Variants in RBL1 observed in about 807,000 individuals in gnomAD.
RBL1 encodes retinoblastoma-like protein 1.
A neutral mutation model predicts 123.0 loss-of-function variants in RBL1; 82 were observed. The ratio of observed to expected loss-of-function variants is 0.67; its 90% CI spans 0.56 to 0.80. RBL1 has a LOEUF of 0.80. Ranked by LOEUF, RBL1 falls within the 30% of genes least tolerant of loss-of-function variation. RBL1 has a pLI of 0.00. For missense variants in RBL1, 1,171 were observed against 1,299.6 expected (o/e 0.90, Z 1.52); for synonymous variants, 405 against 441.3 (o/e 0.92, Z 1.03).
rs780855705 is a variant in RBL1, at chr20:37,047,108, C to T, written c.1550G>A (p.Arg517His). Reference protein sequence around the residue: ...EIVLFAYSSPRTFPWIIEVLN... With the variant: ...EIVLFAYSSPHTFPWIIEVLN... ...AACTTCAATAATCCAAGGAAAAGTA[C>T]GAGGTGAGCTATAGGCAAAGAGCAC... Residue 517 changes from arginine to histidine, a missense_variant, in exon 12 of 22, where the codon CGT (arginine) becomes CAT (histidine). Physicochemically the swap from Arg to His is conservative, Grantham distance 29. Transcript: ENST00000373664. 6 of 1,604,122 alleles carry T rather than the reference C, an allele frequency of 3.7e-6. No homozygotes were observed. The highest frequency in any genetic ancestry group is 2.3e-5 in the South Asian group (2 of 88,530).
At chr20:37,040,353 T>C in intron 13 of RBL1, 68 bp from the exon 14 acceptor site, 1 of 1,556,652 alleles carries the variant, frequency 6.4e-7, no homozygotes, top group Non-Finnish European at 8.7e-7. Flanking sequence ...ATTAAAAATG[T>C]TTTCTTTTCT....
intron 13 of RBL1, among the ~76,000 whole-genome samples, chr20:37,041,344 C>G (rs1403257102): frequency 6.6e-6 from 1 of 151,848 alleles, no homozygotes; most frequent in Non-Finnish European, 1.5e-5. Context: ...TTTTTTGAGA[C>G]ACAGTCTCGC....
At chr20:37,009,605 C>A (rs926719861) in intron 19 of RBL1, among the ~76,000 whole-genome samples, 15 of 152,104 alleles carry the variant, frequency 9.9e-5, no homozygotes, top group Admixed American at 4.6e-4. Context: ...AGTGATCCTC[C>A]CACCTTGGCC....
At chr20:37,049,048 C>T (rs933778486) in intron 11 of RBL1, among the ~76,000 whole-genome samples, 1 of 151,538 alleles carries the variant, frequency 6.6e-6, no homozygotes, top group South Asian at 2.1e-4. Flanking sequence ...CCAAAAAACA[C>T]AAAAATTAGC....
Position 37,076,975 on chromosome 20 carries a change from C to T in RBL1, c.291-8789G>A, listed in dbSNP as rs529357379. ...TTTTTGAGGCAGAGTCTTGCTCTGT[C>T]GCCCAGGCTGGAGTGCAGTGGCACA... On this transcript the variant is annotated intron_variant, in intron 2 of 21. Coordinates refer to ENST00000373664, the MANE Select transcript of RBL1 (RefSeq NM_002895.5). 8.3e-5 allele frequency among the ~76,000 whole-genome samples: 12 copies of T among 144,548 alleles called. No homozygotes were observed. In the South Asian group the frequency reaches 1.3e-3, roughly 16 times the overall value. 94.8% of individuals were successfully genotyped at this position (144,548 alleles called of 152,430 possible). A position where few individuals can be genotyped will look rare whatever the true frequency, so the allele number is the denominator to read the frequency against.
At chr20:37,025,797 C>T (rs538018499) in intron 16 of RBL1, among the ~76,000 whole-genome samples, 6 of 149,308 alleles carry the variant, frequency 4.0e-5, no homozygotes, top group East Asian at 4.0e-4. Flanking sequence ...GGCTGGAGTG[C>T]GGTGGCGTGA....
At chr20:37,055,732 A>ATG in intron 10 of RBL1, 76 bp from the exon 11 acceptor site, 1 of 1,335,622 alleles carries the variant, frequency 7.5e-7, no homozygotes, top group Non-Finnish European at 1.0e-6. Context: ...AATTATATAT[A>ATG]AACTTAAATC....
chr20:37,011,880 A>G (rs914009589), intron 19 of RBL1, among the ~76,000 whole-genome samples: 13 of 151,610 alleles, frequency 8.6e-5, no homozygotes, highest in Non-Finnish European at 1.5e-4. Context: ...CCCTCTCCCC[A>G]CGGTCTCCCT....
At position 37,055,577 on chromosome 20, in the gene RBL1, T is replaced by G. The variant is rs2064990368; in HGVS notation, c.1443A>C (p.Arg481=). The G allele has an allele frequency of 6.2e-7, 1 of 1,614,190 alleles. No individual in the cohort carries two copies. Among genetic ancestry groups the G allele is most frequent in the Non-Finnish European group, 8.5e-7 (1 of 1,180,036 alleles). ...CTGACATGTCCATTCCATGAAGTCT[T>G]CGTGTTTCCTGAACCATTACAGTCT... is the stretch of plus-strand genomic sequence containing the variant. The part of the protein sequence containing the change: ...ILETVMVQET[R]RLHGMDMSVL... The change falls in exon 11 of 22, where the codon CGA becomes CGC. Residue 481 remains arginine (R), a synonymous_variant. Coordinates refer to ENST00000373664, the MANE Select transcript of RBL1 (RefSeq NM_002895.5).
chr20:37,042,908 A>ACC (rs1491209757), intron 13 of RBL1, among the ~76,000 whole-genome samples: 1 of 119,198 alleles, frequency 8.4e-6, no homozygotes, highest in Non-Finnish European at 1.7e-5. Flanking sequence ...CCCCCCCTCC[A>ACC]AAAAAAAAAA....
chr20:37,056,406 G>A (rs2065008068), intron 9 of RBL1, 148 bp from the exon 10 acceptor site: 1 of 1,267,500 alleles, frequency 7.9e-7, no homozygotes, highest in Non-Finnish European at 1.0e-6. Context: ...CCAGGCTGGA[G>A]TGCAGTGGTG....
chr20:37,005,636 G>C (rs1369861381), intron 20 of RBL1, among the ~76,000 whole-genome samples: 1 of 152,142 alleles, frequency 6.6e-6, no homozygotes, highest in Non-Finnish European at 1.5e-5. Context: ...AGTTGGATGA[G>C]CAAGGATTTC....
At chr20:37,003,408 A>G (rs1041551511) in intron 21 of RBL1, among the ~76,000 whole-genome samples, 5 of 152,060 alleles carry the variant, frequency 3.3e-5, no homozygotes, top group African/African-American at 4.8e-5. Context: ...GACATCCCCC[A>G]GGTCTGACCA....
At chr20:37,086,448 C>A (rs774954004) in intron 2 of RBL1, among the ~76,000 whole-genome samples, 2 of 151,930 alleles carry the variant, frequency 1.3e-5, no homozygotes, top group Admixed American at 6.6e-5. Flanking sequence ...ATTAGCCAGG[C>A]GTGGTGGCGG....
chr20:37,055,524 C>T, intron 11 of RBL1, 29 bp downstream of exon 11: 1 of 1,613,394 alleles, frequency 6.2e-7, no homozygotes, highest in Non-Finnish European at 8.5e-7. Flanking sequence ...TTGGACCTTG[C>T]CAGTAGCTCA....
At chr20:37,051,205 G>GGC (rs766492183) in intron 11 of RBL1, among the ~76,000 whole-genome samples, 1 of 190 alleles carries the variant, frequency 5.3e-3, no homozygotes, top group Non-Finnish European at 0.01. Context: ...TTTCTGAGAT[G>GGC]GAGTTCGCTC....
At chr20:37,018,592 T>C (rs551084478) in intron 18 of RBL1, among the ~76,000 whole-genome samples, 2 of 152,336 alleles carry the variant, frequency 1.3e-5, no homozygotes, top group Non-Finnish European at 2.9e-5. Context: ...GGGCTTAGTT[T>C]ATAAAACAGA....
intron 1 of RBL1, among the ~76,000 whole-genome samples, chr20:37,090,222 G>C (rs1568897987): frequency 6.6e-6 from 1 of 152,136 alleles, no homozygotes; most frequent in African/African-American, 2.4e-5. Context: ...GGAGCAACAG[G>C]CTATATTAAA....
In RBL1 at chr20:37,052,908, C is replaced by T. The variant is rs141579940; in HGVS notation, c.1467+2645G>A. On this transcript the variant is annotated intron_variant, in intron 11 of 21. Transcript: ENST00000373664. ...CCACCTGCCTCAGTCTCCCAAAGTG[C>T]TGGGATTACAGGCATGAGCCACTGC... Among the ~76,000 whole-genome samples, 1,029 of 152,292 alleles carry T rather than the reference C, an allele frequency of 6.8e-3. 10 individuals carry two copies. The highest frequency in any genetic ancestry group is 0.023 in the African/African-American group (965 of 41,568).
Sources: gnomAD v4.1 joint callset for allele counts (sites outside exome capture counted in the v4.1 genomes callset) on GRCh38, gnomAD v4.1.1 for gene constraint, MANE v1.5 for transcripts, NCBI Gene and HGNC (gene_info 2026-07-23, HGNC 2026-07-21) for gene names.